The following PTPRD variants were observed in gnomAD, a reference collection of about 807,000 sequenced individuals.
The protein encoded by PTPRD is receptor-type tyrosine-protein phosphatase delta.
Under a neutral mutation model 214.5 loss-of-function variants are expected in PTPRD, and 34 were observed. The observed-to-expected ratio is 0.16, with a 90% confidence interval of 0.12 to 0.21. The LOEUF (loss-of-function observed/expected upper bound fraction) is 0.21. PTPRD is among the 10% of genes least tolerant of loss of function. The probability of loss-of-function intolerance (pLI) is 1.00; values close to 1 mark genes in which losing one functional copy is unlikely to be tolerated. For synonymous variants in PTPRD, 1,128 were observed against 845.7 expected (o/e 1.33, Z -5.79); for missense variants, 2,545 against 2,398.7 (o/e 1.06, Z -1.27).
chr9:9,997,226 T>C (rs1247737702), intron 4 of PTPRD, among the ~76,000 whole-genome samples: 1 of 151,518 alleles, frequency 6.6e-6, no homozygotes, highest in African/African-American at 2.4e-5. Flanking sequence ...AGATATTCAC[T>C]AGGGAGACTT....
At chr9:9,720,768 T>A (rs779764350) in intron 7 of PTPRD, among the ~76,000 whole-genome samples, 2 of 151,926 alleles carry the variant, frequency 1.3e-5, no homozygotes, top group Non-Finnish European at 2.9e-5. Flanking sequence ...ACAGGTTGGA[T>A]AAATAAAATG....
At chr9:9,955,713 C>A (rs1173886603) in intron 4 of PTPRD, among the ~76,000 whole-genome samples, 1 of 152,044 alleles carries the variant, frequency 6.6e-6, no homozygotes, top group Admixed American at 6.5e-5. Context: ...TTAGTAGAGA[C>A]AGGGTTTCAC....
intron 39 of PTPRD, among the ~76,000 whole-genome samples, chr9:8,355,084 T>C (rs966786121): frequency 6.6e-6 from 1 of 152,064 alleles, no homozygotes; most frequent in Admixed American, 6.6e-5. Context: ...GGGAAGTGTT[T>C]GGAGCATGGG....
At chr9:8,338,806 A>T in intron 43 of PTPRD, 116 bp downstream of exon 43, 1 of 943,362 alleles carries the variant, frequency 1.1e-6, no homozygotes, top group South Asian at 3.0e-5. Context: ...AGAATGAATG[A>T]TTTCTCTTTG....
At chr9:9,019,349 A>AAAGAAAG (rs1569430495) in intron 10 of PTPRD, among the ~76,000 whole-genome samples, 3 of 109,352 alleles carry the variant, frequency 2.7e-5, no homozygotes, top group African/African-American at 1.3e-4. Context: ...CGAAAGAAAG[A>AAAGAAAG]AAGAAAGAAA....
chr9:8,504,386 G>A lies in PTPRD; in HGVS notation c.1697C>T (p.Pro566Leu), dbSNP rs761072779. 3 of 1,613,950 alleles carry A rather than the reference G, an allele frequency of 1.9e-6. No homozygotes were observed. In the East Asian group the frequency reaches 6.7e-5, roughly 36 times the overall value. The change falls in exon 23 of 46, where the codon CCA becomes CTA. Residue 566 changes from proline (P) to leucine (L), a missense_variant. Physicochemically the swap from Pro to Leu is moderately conservative, Grantham distance 98. Transcript: ENST00000381196. ...HGEEQRITIE[P>L]GTSYRLQGLK... ...TCCTTGCAGCCTATATGATGTCCCT[G>A]GCTCAATGGTAATTCGTTGCTGGAA...
At chr9:9,208,648 T>C (rs1341746903) in intron 9 of PTPRD, among the ~76,000 whole-genome samples, 2 of 151,992 alleles carry the variant, frequency 1.3e-5, no homozygotes, top group Non-Finnish European at 2.9e-5. Flanking sequence ...GTGAACCAAT[T>C]AGTATTTAGG....
intron 3 of PTPRD, among the ~76,000 whole-genome samples, chr9:10,062,211 A>C (rs1162128163): frequency 6.6e-6 from 1 of 152,104 alleles, no homozygotes; most frequent in Non-Finnish European, 1.5e-5. Context: ...ATGCTGAAAT[A>C]AATTTACATA....
intron 8 of PTPRD, among the ~76,000 whole-genome samples, chr9:9,456,365 T>C (rs996357662): frequency 6.6e-6 from 1 of 151,844 alleles, no homozygotes; most frequent in African/African-American, 2.4e-5. Flanking sequence ...AGATAAACCG[T>C]ACAGATTGCT....
At chr9:10,145,161 T>C (rs1390528150) in intron 3 of PTPRD, among the ~76,000 whole-genome samples, 2 of 152,078 alleles carry the variant, frequency 1.3e-5, no homozygotes, top group Non-Finnish European at 2.9e-5. Context: ...TTCAAAGACA[T>C]TGTAAAAATT....
intron 3 of PTPRD, among the ~76,000 whole-genome samples, chr9:10,044,429 G>C (rs552479369): frequency 1.9e-4 from 29 of 151,794 alleles, no homozygotes; most frequent in African/African-American, 7.0e-4. Context: ...GTAAAAATTG[G>C]ATCAGACTTA....
In PTPRD at chr9:10,377,074, G is replaced by A. The variant is rs558625504; in HGVS notation, c.-599-36057C>T. Among the ~76,000 whole-genome samples the A allele has an allele frequency of 2.0e-5, 3 of 151,652 alleles. No homozygotes were observed. In the East Asian group the frequency reaches 5.9e-4, roughly 30 times the overall value. The stretch of plus-strand genomic sequence containing the variant: ...CCCTCTATTACCCTTTCCAGCCGCT[G>A]GTAACCATCCTTCTACTATCCATGG... On this transcript the variant is annotated intron_variant, in intron 2 of 45. Transcript: ENST00000381196.
chr9:8,382,645 G>A (rs1589156367), intron 37 of PTPRD, among the ~76,000 whole-genome samples: 1 of 152,142 alleles, frequency 6.6e-6, no homozygotes, highest in Non-Finnish European at 1.5e-5. Context: ...CAAAAGTGTA[G>A]AACTTTCTAG....
At chr9:9,461,738 G>C (rs1004552748) in intron 8 of PTPRD, among the ~76,000 whole-genome samples, 3 of 152,076 alleles carry the variant, frequency 2.0e-5, no homozygotes, top group South Asian at 4.1e-4. Context: ...TTATGGGCCA[G>C]ATTGAGGCAG....
intron 3 of PTPRD, among the ~76,000 whole-genome samples, chr9:10,314,537 G>A (rs978575481): frequency 6.6e-6 from 1 of 151,854 alleles, no homozygotes; most frequent in African/African-American, 2.4e-5. Flanking sequence ...TATTAGAAGG[G>A]ACTGTGAGGC....
intron 35 of PTPRD, among the ~76,000 whole-genome samples, chr9:8,422,883 C>G (rs1188340642): frequency 1.3e-5 from 2 of 152,110 alleles, no homozygotes; most frequent in African/African-American, 2.4e-5. Flanking sequence ...TCTACCTTCC[C>G]TTATGCAGCA....
In PTPRD at chr9:10,484,889, C is replaced by T. The variant is rs551877561; in HGVS notation, c.-600+127509G>A. ...ATGTGATTCAATGTGTCCACTTTTC[C>T]TTTAGATACCCATGCTTATGGGATA... On this transcript the variant is annotated intron_variant, in intron 2 of 45. Coordinates refer to ENST00000381196, the MANE Select transcript of PTPRD (RefSeq NM_002839.4). Among the ~76,000 whole-genome samples, 40 of 151,976 alleles carry T rather than the reference C, an allele frequency of 2.6e-4. No homozygotes were observed. In the South Asian group the frequency reaches 7.7e-3, roughly 29 times the overall value.
At chr9:8,355,505 CT>C (rs2076750054) in intron 39 of PTPRD, among the ~76,000 whole-genome samples, 1 of 152,108 alleles carries the variant, frequency 6.6e-6, no homozygotes, top group Non-Finnish European at 1.5e-5. Flanking sequence ...TTAGAATAAC[CT>C]ACTGGTCATG....
intron 9 of PTPRD, among the ~76,000 whole-genome samples, chr9:9,377,089 T>A (rs574366448): frequency 1.5e-4 from 23 of 151,730 alleles, no homozygotes; most frequent in South Asian, 6.2e-4. Flanking sequence ...CAACATATAT[T>A]TTTTTTTAAT....
Sources: allele counts gnomAD v4.1 joint callset (sites outside exome capture counted in the v4.1 genomes callset), GRCh38; gene constraint gnomAD v4.1.1; transcripts MANE v1.5; gene names NCBI Gene and HGNC (gene_info 2026-07-23, HGNC 2026-07-21).